Variants in FLI1 observed in about 807,000 individuals in gnomAD.
The protein encoded by FLI1 is Fli-1 proto-oncogene, ETS transcription factor, also known as Friend leukemia integration 1 transcription factor.
FLI1 carries 13 observed loss-of-function variants against 53.1 expected under a neutral mutation model. The ratio of observed to expected loss-of-function variants is 0.24; its 90% CI spans 0.16 to 0.39. FLI1 has a LOEUF of 0.39. FLI1 is among the 10% of genes least tolerant of loss of function. The pLI, the probability that FLI1 is intolerant of heterozygous loss-of-function variation, is 1.00. For missense variants in FLI1, 424 were observed against 600.5 expected (o/e 0.71, Z 3.07); for synonymous variants, 244 against 236.7 (o/e 1.03, Z -0.28).
chr11:128,734,279 C>T (rs607703), intron 1 of FLI1, among the ~76,000 whole-genome samples: 74,723 of 152,098 alleles, frequency 0.49, 18,747 homozygotes, highest in African/African-American at 0.58. Context: ...GCGCTGTCCA[C>T]GTCCACAGTG....
At chr11:128,787,798 C>G (rs994861505) in intron 5 of FLI1, among the ~76,000 whole-genome samples, 1 of 137,564 alleles carries the variant, frequency 7.3e-6, no homozygotes, top group Admixed American at 8.5e-5. Flanking sequence ...TTATTGAAAG[C>G]TAATTACAAT....
Position 128,767,248 on chromosome 11 carries a change from T to G in FLI1, c.231-870T>G, listed in dbSNP as rs1018553400. On this transcript the variant is annotated intron_variant, in intron 2 of 8. Coordinates refer to ENST00000527786, the MANE Select transcript of FLI1 (RefSeq NM_002017.5). ...CTGCTTTCTCTCTTGTGAATGTCCA[T>G]ACTGCTTCCACAGTGAGCTTGGGGC... Among the ~76,000 whole-genome samples the G allele has an allele frequency of 9.9e-5, 15 of 152,232 alleles. 1 individual carries two copies. The highest frequency in any genetic ancestry group is 1.0e-4 in the Non-Finnish European group (7 of 68,048).
chr11:128,722,905 A>G (rs1939314038), intron 1 of FLI1, among the ~76,000 whole-genome samples: 1 of 152,128 alleles, frequency 6.6e-6, no homozygotes, highest in African/African-American at 2.4e-5. Context: ...GGCTGCTGTA[A>G]TGGAGTCCCA....
chr11:128,798,027 C>CA (rs1219060523), intron 5 of FLI1, among the ~76,000 whole-genome samples: 1 of 152,120 alleles, frequency 6.6e-6, no homozygotes, highest in Non-Finnish European at 1.5e-5. Flanking sequence ...TCGCTGTGAA[C>CA]ATTGCAACCT....
chr11:128,700,100 G>C (rs1213658456), intron 1 of FLI1, among the ~76,000 whole-genome samples: 1 of 152,194 alleles, frequency 6.6e-6, no homozygotes, highest in African/African-American at 2.4e-5. Context: ...TTGAACTGGA[G>C]AGACAGACAA....
Position 128,811,072 on chromosome 11 carries a change from C to T in FLI1, c.*84C>T, listed in dbSNP as rs1307881765. 1 of 1,299,062 alleles carries T rather than the reference C, an allele frequency of 7.7e-7. No individual in the cohort carries two copies. The highest frequency in any genetic ancestry group is 2.3e-5 in the East Asian group (1 of 43,108). The allele number at this position is 1,299,062 out of a possible 1,614,324, so 80.5% of individuals were successfully genotyped here. On this transcript the variant is annotated 3_prime_UTR_variant, in exon 9 of 9. Transcript: ENST00000527786. The stretch of plus-strand genomic sequence containing the variant: ...TTGGACTCAACAGGACATATGTGGC[C>T]TTGAAGGGAAGACAAAACTGGATGT...
chr11:128,752,756 C>T (rs1940704818), intron 1 of FLI1, among the ~76,000 whole-genome samples: 1 of 152,192 alleles, frequency 6.6e-6, no homozygotes. Context: ...AATTAGGTTA[C>T]TCATGTAAAC....
chr11:128,736,274 A>T (rs1329869697), intron 1 of FLI1, among the ~76,000 whole-genome samples: 1 of 152,138 alleles, frequency 6.6e-6, no homozygotes, highest in Non-Finnish European at 1.5e-5. Flanking sequence ...TAGACAAAGA[A>T]CACCTGATAA....
At chr11:128,741,832 G>C (rs1004283808) in intron 1 of FLI1, among the ~76,000 whole-genome samples, 1 of 152,128 alleles carries the variant, frequency 6.6e-6, no homozygotes. Context: ...CTTCTCCTGA[G>C]GCAATGGCTC....
chr11:128,717,495 C>T (rs1172639816), intron 1 of FLI1, among the ~76,000 whole-genome samples: 2 of 152,174 alleles, frequency 1.3e-5, no homozygotes, highest in Non-Finnish European at 1.5e-5. Flanking sequence ...CATGTAGGTG[C>T]TGAGGGTCTA....
chr11:128,799,098 A>G (rs907067825), intron 5 of FLI1, among the ~76,000 whole-genome samples: 1 of 148,846 alleles, frequency 6.7e-6, no homozygotes, highest in African/African-American at 2.5e-5. Flanking sequence ...AGGCTGGAGT[A>G]CAATAGTGTA....
At chr11:128,731,330 C>A (rs1939688262) in intron 1 of FLI1, among the ~76,000 whole-genome samples, 1 of 152,218 alleles carries the variant, frequency 6.6e-6, no homozygotes, top group South Asian at 2.1e-4. Flanking sequence ...TTGCTCTCAT[C>A]TTCTCTGAGC....
intron 2 of FLI1, among the ~76,000 whole-genome samples, chr11:128,766,770 A>T (rs565210663): frequency 1.3e-5 from 2 of 151,828 alleles, no homozygotes; most frequent in South Asian, 4.2e-4. Flanking sequence ...GGGATGGAGG[A>T]CAGTGGCCAG....
intron 1 of FLI1, among the ~76,000 whole-genome samples, chr11:128,719,295 G>T (rs1295990851): frequency 6.8e-6 from 1 of 147,052 alleles, no homozygotes; most frequent in Non-Finnish European, 1.5e-5. Context: ...AAAAAAAACA[G>T]TTCGTAATGT....
At chr11:128,769,406 C>T (rs900858898) in intron 3 of FLI1, among the ~76,000 whole-genome samples, 1 of 152,200 alleles carries the variant, frequency 6.6e-6, no homozygotes, top group African/African-American at 2.4e-5. Context: ...GTAGTTGCCT[C>T]TGAAGTCAAA....
intron 1 of FLI1, among the ~76,000 whole-genome samples, chr11:128,737,485 T>G (rs1278039391): frequency 1.3e-5 from 2 of 152,236 alleles, no homozygotes; most frequent in Non-Finnish European, 2.9e-5. Flanking sequence ...TTGTCAAGAA[T>G]GTAGTCCAGC....
chr11:128,726,121 C>T lies in FLI1; in HGVS notation c.18+31845C>T, dbSNP rs111639429. On this transcript the variant is annotated intron_variant, in intron 1 of 8. Coordinates refer to ENST00000527786, the MANE Select transcript of FLI1 (RefSeq NM_002017.5). Reference sequence around the variant, plus strand: ...GTCTTCTTCCAGAACCCCCGAGGTCCGGTCTCCCCTCTCCATCCACTCAGA... The same window carrying T: ...GTCTTCTTCCAGAACCCCCGAGGTCTGGTCTCCCCTCTCCATCCACTCAGA... Among the ~76,000 whole-genome samples, 374 of 152,258 alleles carry T rather than the reference C, an allele frequency of 2.5e-3. 1 individual carries two copies. The highest frequency in any genetic ancestry group is 8.1e-3 in the South Asian group (39 of 4,832).
chr11:128,751,946 A>G (rs1227370322), intron 1 of FLI1, among the ~76,000 whole-genome samples: 2 of 151,294 alleles, frequency 1.3e-5, no homozygotes, highest in Non-Finnish European at 2.9e-5. Flanking sequence ...TATGGGCATG[A>G]GCCATTGTGC....
intron 1 of FLI1, among the ~76,000 whole-genome samples, chr11:128,739,059 G>A (rs1250138127): frequency 6.6e-6 from 1 of 152,178 alleles, no homozygotes; most frequent in East Asian, 1.9e-4. Flanking sequence ...GTTTGCTGCG[G>A]ATAAGCACCA....
Sources: gnomAD v4.1 joint callset for allele counts (sites outside exome capture counted in the v4.1 genomes callset) on GRCh38, gnomAD v4.1.1 for gene constraint, MANE v1.5 for transcripts, NCBI Gene and HGNC (gene_info 2026-07-23, HGNC 2026-07-21) for gene names.